SRGAP3: variants seen among roughly 807,000 people sequenced by gnomAD.
The protein encoded by SRGAP3 is SLIT-ROBO Rho GTPase activating protein 3, also known as SLIT-ROBO Rho GTPase-activating protein 3.
Under a neutral mutation model 121.1 loss-of-function variants are expected in SRGAP3, and 39 were observed. The observed-to-expected ratio is 0.32, with a 90% CI of 0.25 to 0.42. The LOEUF (loss-of-function observed/expected upper bound fraction) is 0.42, where lower values mean the gene tolerates loss of function less well. SRGAP3 is among the 10% of genes least tolerant of loss of function. SRGAP3 has a pLI of 1.00. For missense variants in SRGAP3, 1,213 were observed against 1,470.6 expected, an observed-to-expected ratio of 0.82 and a Z score of 2.86; for synonymous variants, 601 against 570.0, an observed-to-expected ratio of 1.05 and a Z score of -0.77.
At chr3:9,360,908 G>A (rs2030762702) in intron 1 of SRGAP3, among the ~76,000 whole-genome samples, 1 of 152,168 alleles carries the variant, frequency 6.6e-6, no homozygotes, top group South Asian at 2.1e-4. Flanking sequence ...CAATGTATAA[G>A]TGCTCCATTG....
chr3:9,335,941 G>A (rs866355726), intron 1 of SRGAP3, among the ~76,000 whole-genome samples: 57 of 152,042 alleles, frequency 3.7e-4, no homozygotes, highest in African/African-American at 1.4e-3. Context: ...TGCAGCCATG[G>A]GACTTCACTT....
chr3:9,315,519 G>A (rs964992803), intron 3 of SRGAP3, among the ~76,000 whole-genome samples: 11 of 152,200 alleles, frequency 7.2e-5, no homozygotes, highest in Non-Finnish European at 1.2e-4. Flanking sequence ...GGCTTGAAAC[G>A]AAAGGAAGGG....
intron 3 of SRGAP3, among the ~76,000 whole-genome samples, chr3:9,288,138 T>G (rs1375087464): frequency 1.3e-5 from 2 of 150,688 alleles, no homozygotes; most frequent in African/African-American, 4.9e-5. Context: ...TTGTTTTTTT[T>G]TTTTTTTTTT....
At chr3:9,321,919 G>A (rs1384313524) in intron 3 of SRGAP3, among the ~76,000 whole-genome samples, 1 of 151,416 alleles carries the variant, frequency 6.6e-6, no homozygotes, top group Non-Finnish European at 1.5e-5. Context: ...TGTAACACAA[G>A]CTTACCTATG....
At chr3:9,302,705 C>A (rs566808534) in intron 3 of SRGAP3, among the ~76,000 whole-genome samples, 1 of 152,312 alleles carries the variant, frequency 6.6e-6, no homozygotes, top group African/African-American at 2.4e-5. Flanking sequence ...TGAGGAAGGG[C>A]TAGCGTCTGC....
intron 1 of SRGAP3, among the ~76,000 whole-genome samples, chr3:9,332,047 G>A (rs1955617447): frequency 2.0e-5 from 3 of 152,196 alleles, no homozygotes; most frequent in African/African-American, 7.2e-5. Flanking sequence ...TCATTGAGGT[G>A]CCTATGCTGG....
intron 7 of SRGAP3, among the ~76,000 whole-genome samples, chr3:9,057,719 G>C (rs1020705271): frequency 6.6e-6 from 1 of 152,248 alleles, no homozygotes; most frequent in Non-Finnish European, 1.5e-5. Context: ...TGGGTAACGA[G>C]TAGGGCTGTG....
At chr3:9,012,708 G>C (rs532284995) in intron 17 of SRGAP3, among the ~76,000 whole-genome samples, 2 of 152,180 alleles carry the variant, frequency 1.3e-5, no homozygotes, top group African/African-American at 2.4e-5. Context: ...TCACTCCCCT[G>C]CTTCCTGAGA....
chr3:9,182,944 C>T lies in SRGAP3; in HGVS notation c.68-58027G>A, dbSNP rs192408602. Among the ~76,000 whole-genome samples, 230 of 152,284 alleles carry T rather than the reference C, an allele frequency of 1.5e-3. 1 individual carries two copies. Among genetic ancestry groups the T allele is most frequent in the African/African-American group, 5.3e-3 (219 of 41,558 alleles). ...AAGTGCTGGGAGTACAGGCGAGAGC[C>T]ACCGTGACCAGCCCAAAGATTTTAA... On this transcript the variant is annotated intron_variant, in intron 1 of 21. Transcript: ENST00000383836.
At chr3:9,277,979 TGAGGA>T (rs1954614010) in intron 3 of SRGAP3, among the ~76,000 whole-genome samples, 1 of 152,136 alleles carries the variant, frequency 6.6e-6, no homozygotes, top group Non-Finnish European at 1.5e-5. Flanking sequence ...TTCCACCATG[TGAGGA>T]CACAGCTGGA....
chr3:9,092,349 CTACTAA>C (rs1490831082), intron 3 of SRGAP3, among the ~76,000 whole-genome samples: 3 of 152,126 alleles, frequency 2.0e-5, no homozygotes, highest in South Asian at 2.1e-4. Context: ...AGTACAATTA[CTACTAA>C]TACTATGTGC....
chr3:9,205,414 T>C (rs961855591), intron 1 of SRGAP3, among the ~76,000 whole-genome samples: 2 of 152,252 alleles, frequency 1.3e-5, no homozygotes, highest in Non-Finnish European at 1.5e-5. Flanking sequence ...AAATGCTCAA[T>C]AGCCACATGT....
chr3:9,081,813 A>G (rs1006544386), intron 3 of SRGAP3, among the ~76,000 whole-genome samples: 2 of 152,144 alleles, frequency 1.3e-5, no homozygotes, highest in African/African-American at 4.8e-5. Flanking sequence ...TATGATTGTG[A>G]TTATGATTTT....
At position 9,191,711 on chromosome 3, in the gene SRGAP3, G is replaced by A. The variant is rs370882427; in HGVS notation, c.67+57174C>T. On this transcript the variant is annotated intron_variant, in intron 1 of 21. Coordinates refer to ENST00000383836, the MANE Select transcript of SRGAP3 (RefSeq NM_014850.4). The stretch of plus-strand genomic sequence containing the variant: ...TGATATCATTTGGATGGGTGTCCCC[G>A]TTCAAATCTCACATTGAACGATAAT... Among the ~76,000 whole-genome samples, 26 of 152,328 alleles carry A rather than the reference G, an allele frequency of 1.7e-4. No individual in the cohort carries two copies. In the South Asian group the frequency reaches 4.6e-3, roughly 27 times the overall value.
chr3:9,067,737 A>AC (rs1446261799), intron 4 of SRGAP3, among the ~76,000 whole-genome samples: 1 of 152,220 alleles, frequency 6.6e-6, no homozygotes, highest in Non-Finnish European at 1.5e-5. Context: ...GCAGCAAACC[A>AC]CGATGGCACA....
rs1369883101 is a variant in SRGAP3 at position 9,075,397 on chromosome 3, GCA to G, written c.486+4626_486+4627del. On this transcript the variant is annotated intron_variant, in intron 4 of 21. Transcript: ENST00000383836. ...CAAGTGTGTGTGTGTGTGTGCGCGC[GCA>G]CATATGTGCATAAACACCCATGCTA... is the stretch of plus-strand genomic sequence containing the variant. Among the ~76,000 whole-genome samples the G allele has an allele frequency of 2.0e-5, 3 of 151,004 alleles. No individual in the cohort carries two copies. The East Asian group carries it at 5.9e-4, about 30-fold the overall frequency.
chr3:9,071,032 T>C (rs935363462), intron 4 of SRGAP3, among the ~76,000 whole-genome samples: 2 of 152,018 alleles, frequency 1.3e-5, no homozygotes, highest in Non-Finnish European at 2.9e-5. Flanking sequence ...GGGCTTGGGA[T>C]GGGGGTGGAG....
intron 3 of SRGAP3, among the ~76,000 whole-genome samples, chr3:9,100,823 G>A (rs1037466962): frequency 1.3e-4 from 20 of 152,122 alleles, no homozygotes; most frequent in Non-Finnish European, 7.4e-5. Flanking sequence ...AGAGTATTCC[G>A]ACTGGTTCTG....
chr3:9,350,815 C>T (rs149432841), intron 1 of SRGAP3, among the ~76,000 whole-genome samples: 55 of 152,288 alleles, frequency 3.6e-4, no homozygotes, highest in African/African-American at 1.3e-3. Flanking sequence ...AATTTCTCAC[C>T]AGCACCAACC....
Sources: gnomAD v4.1 joint callset for allele counts (sites outside exome capture counted in the v4.1 genomes callset) on GRCh38, gnomAD v4.1.1 for gene constraint, MANE v1.5 for transcripts, NCBI Gene and HGNC (gene_info 2026-07-23, HGNC 2026-07-21) for gene names.